NRIP1: variants seen among roughly 807,000 people sequenced by gnomAD.
NRIP1 encodes the protein nuclear receptor-interacting protein 1.
Under a neutral mutation model 75.0 loss-of-function variants are expected in NRIP1, and 28 were observed. That is an observed-to-expected ratio of 0.37 (90% CI 0.28 to 0.51). NRIP1 has a LOEUF of 0.51. Ranked by LOEUF, NRIP1 falls within the 20% of genes least tolerant of loss-of-function variation. NRIP1 has a pLI of 0.92. For missense variants in NRIP1, 1,435 were observed against 1,343.7 expected (o/e 1.07, Z -1.06); for synonymous variants, 526 against 487.6 (o/e 1.08, Z -1.04).
chr21:14,963,795 C>T lies in NRIP1; in HGVS notation c.*921G>A, dbSNP rs947103944. The T allele has an allele frequency of 6.6e-6, 1 of 152,086 alleles. No homozygotes were observed. Among genetic ancestry groups the T allele is most frequent in the Non-Finnish European group, 1.5e-5 (1 of 68,004 alleles). 9.4% of individuals were successfully genotyped at this position (152,086 alleles called of 1,614,324 possible). On this transcript the variant is annotated 3_prime_UTR_variant, in exon 4 of 4. Coordinates refer to ENST00000318948, the MANE Select transcript of NRIP1 (RefSeq NM_003489.4). ...TGGTCTGAGTTCAGGTTTAAGGAAT[C>T]CTGGTCATAACACTCGCAGGTACCA...
At chr21:15,026,101 A>G (rs999882195) in intron 2 of NRIP1, among the ~76,000 whole-genome samples, 2 of 152,224 alleles carry the variant, frequency 1.3e-5, no homozygotes, top group Non-Finnish European at 2.9e-5. Flanking sequence ...TTCATGGGAA[A>G]TAAGTCAACA....
intron 2 of NRIP1, among the ~76,000 whole-genome samples, chr21:15,019,333 G>T (rs537064966): frequency 9.3e-5 from 14 of 150,114 alleles, no homozygotes; most frequent in Non-Finnish European, 1.8e-4. Context: ...GACTGAAAAA[G>T]AAGTCAAAAT....
At chr21:15,032,479 T>G (rs2088726947) in intron 2 of NRIP1, among the ~76,000 whole-genome samples, 1 of 151,796 alleles carries the variant, frequency 6.6e-6, no homozygotes, top group Admixed American at 6.6e-5. Flanking sequence ...GAAAAAATAT[T>G]TGGATAAATG....
chr21:14,974,075 AT>A (rs2086981335), intron 3 of NRIP1: 1 of 152,102 alleles, frequency 6.6e-6, no homozygotes, highest in Non-Finnish European at 1.5e-5. Context: ...CATTTTATTA[AT>A]ATTTAAGTTA....
In NRIP1 at chr21:14,966,783, A is replaced by C; in HGVS notation, c.1410T>G (p.Thr470=). The change falls in exon 4 of 4, where the codon ACT becomes ACG. Residue 470 remains threonine (T), a synonymous_variant. Coordinates refer to ENST00000318948, the MANE Select transcript of NRIP1 (RefSeq NM_003489.4). Reference sequence around the variant, plus strand: ...CTACATCTGGGACTTTTGGATCCCAAGTGTTTAGCAAGGATTGAGTGAAGT... The same window carrying C: ...CTACATCTGGGACTTTTGGATCCCACGTGTTTAGCAAGGATTGAGTGAAGT... ...LDNFTQSLLN[T]WDPKVPDVDI... 6.2e-7 allele frequency: 1 copy of C among 1,614,064 alleles called. No homozygotes were observed. Among genetic ancestry groups the C allele is most frequent in the South Asian group, 1.1e-5 (1 of 91,078 alleles).
chr21:14,966,014 T>C lies in NRIP1; in HGVS notation c.2179A>G (p.Lys727Glu), dbSNP rs749747897. Residue 727 changes from lysine (K) to glutamate (E), a missense_variant, in exon 4 of 4, where the codon AAA becomes GAA. Lys to Glu is a moderately conservative substitution (Grantham distance 56). Coordinates refer to ENST00000318948, the MANE Select transcript of NRIP1 (RefSeq NM_003489.4). The part of the protein sequence containing the change: ...LGNPNKGKSE[K>E]KEKTPLRDES... ...TCTCTTAAGGGAGTTTTCTCTTTTT[T>C]TTCACTCTTCCCTTTGTTGGGGTTC... 6.2e-7 allele frequency: 1 copy of C among 1,611,452 alleles called. No individual in the cohort carries two copies. Among genetic ancestry groups the C allele is most frequent in the East Asian group, 2.2e-5 (1 of 44,882 alleles).
At chr21:14,997,535 G>C (rs1053038462) in intron 3 of NRIP1, among the ~76,000 whole-genome samples, 5 of 151,700 alleles carry the variant, frequency 3.3e-5, no homozygotes, top group Admixed American at 1.3e-4. Flanking sequence ...TAAATGGTTG[G>C]ATACAGCTCC....
intron 3 of NRIP1, among the ~76,000 whole-genome samples, chr21:15,007,258 G>A (rs2087994607): frequency 6.6e-6 from 1 of 152,200 alleles, no homozygotes. Flanking sequence ...AGAAGAAACT[G>A]TAGATCAGTT....
At chr21:15,059,232 C>T (rs2089372520) in intron 1 of NRIP1, among the ~76,000 whole-genome samples, 2 of 152,172 alleles carry the variant, frequency 1.3e-5, no homozygotes, top group Non-Finnish European at 2.9e-5. Context: ...CGAGCTTAGT[C>T]ACACAGTGAC....
chr21:15,003,687 G>A (rs555669369), intron 3 of NRIP1, among the ~76,000 whole-genome samples: 1 of 152,320 alleles, frequency 6.6e-6, no homozygotes, highest in East Asian at 1.9e-4. Flanking sequence ...AGGCAGGCTT[G>A]CTACAAGGGG....
chr21:14,995,487 T>C (rs1324697813), intron 3 of NRIP1, among the ~76,000 whole-genome samples: 3 of 152,232 alleles, frequency 2.0e-5, no homozygotes, highest in Non-Finnish European at 4.4e-5. Context: ...TTATGAAATG[T>C]AGGTTTGTCA....
rs1199633651 is a variant in NRIP1, at chr21:14,962,001, T to C, written c.*2715A>G. 1 of 114,546 alleles carries C rather than the reference T, an allele frequency of 8.7e-6. No homozygotes were observed. Among genetic ancestry groups the C allele is most frequent in the African/African-American group, 3.7e-5 (1 of 27,036 alleles). The allele number at this position is 114,546 out of a possible 1,614,324, so 7.1% of individuals were successfully genotyped here. ...CATCTTCATGTAACAAGTCAATATA[T>C]ATATATATACATATTATATATATAT... On this transcript the variant is annotated 3_prime_UTR_variant, in exon 4 of 4. Transcript: ENST00000318948.
chr21:14,963,480 A>G lies in NRIP1; in HGVS notation c.*1236T>C, dbSNP rs2086642399. ...AAAAGTGTTCTGAACCCGATTTCCA[A>G]AGACATAACGGTAATATATGAACTA... On this transcript the variant is annotated 3_prime_UTR_variant, in exon 4 of 4. Coordinates refer to ENST00000318948, the MANE Select transcript of NRIP1 (RefSeq NM_003489.4). 1 of 152,548 alleles carries G rather than the reference A, an allele frequency of 6.6e-6. No homozygotes were observed. Among genetic ancestry groups the G allele is most frequent in the Non-Finnish European group, 1.5e-5 (1 of 67,996 alleles). The allele number at this position is 152,548 out of a possible 1,614,324, so 9.4% of individuals were successfully genotyped here. A position where few individuals can be genotyped will look rare whatever the true frequency, so the allele number is the denominator to read the frequency against.
At chr21:15,006,012 T>C (rs901587079) in intron 3 of NRIP1, among the ~76,000 whole-genome samples, 6 of 151,912 alleles carry the variant, frequency 3.9e-5, no homozygotes, top group East Asian at 2.0e-4. Context: ...TATTTATCTC[T>C]AGAATTTTCA....
intron 2 of NRIP1, among the ~76,000 whole-genome samples, chr21:15,015,852 C>T (rs2088214481): frequency 6.6e-6 from 1 of 152,036 alleles, no homozygotes; most frequent in Non-Finnish European, 1.5e-5. Flanking sequence ...ACAGTAAATA[C>T]ATACATATTA....
chr21:15,018,099 A>C (rs1424606590), intron 2 of NRIP1, among the ~76,000 whole-genome samples: 1 of 152,242 alleles, frequency 6.6e-6, no homozygotes, highest in Non-Finnish European at 1.5e-5. Flanking sequence ...TGACAAAAGA[A>C]GCATGTCTAA....
chr21:15,046,412 G>A (rs1185940461), intron 1 of NRIP1, among the ~76,000 whole-genome samples: 2 of 152,166 alleles, frequency 1.3e-5, no homozygotes, highest in Non-Finnish European at 2.9e-5. Flanking sequence ...TTTCTGAGCA[G>A]TTGGTCTCAA....
chr21:15,030,148 A>C (rs914830487), intron 2 of NRIP1, among the ~76,000 whole-genome samples: 3 of 152,232 alleles, frequency 2.0e-5, no homozygotes, highest in African/African-American at 7.2e-5. Flanking sequence ...TCTTTCAACC[A>C]TGAGGAGTGA....
intron 3 of NRIP1, among the ~76,000 whole-genome samples, chr21:14,998,011 C>T (rs533717855): frequency 4.6e-5 from 7 of 152,142 alleles, no homozygotes; most frequent in Non-Finnish European, 1.0e-4. Context: ...AGCTTATAAA[C>T]TTAATTTTGA....
Sources: allele counts gnomAD v4.1 joint callset (sites outside exome capture counted in the v4.1 genomes callset), GRCh38; gene constraint gnomAD v4.1.1; transcripts MANE v1.5; gene names NCBI Gene and HGNC (gene_info 2026-07-23, HGNC 2026-07-21).